Variants in TIMELESS observed in about 807,000 individuals in gnomAD.
The protein encoded by TIMELESS is protein timeless homolog.
A neutral mutation model predicts 164.3 loss-of-function variants in TIMELESS; 124 were observed. That is an observed-to-expected ratio of 0.75 (90% CI 0.65 to 0.88). The LOEUF (loss-of-function observed/expected upper bound fraction) is 0.88. TIMELESS is among the 40% of genes least tolerant of loss of function. The probability of loss-of-function intolerance (pLI) is 0.00; values close to 1 mark genes in which losing one functional copy is unlikely to be tolerated. For missense variants in TIMELESS, 1,422 were observed against 1,491.4 expected (o/e 0.95, Z 0.77); for synonymous variants, 564 against 563.4 (o/e 1.00, Z -0.02).
chr12:56,438,749 G>A, intron 1 of TIMELESS, among the ~76,000 whole-genome samples: 1 of 114,906 alleles, frequency 8.7e-6, no homozygotes. Flanking sequence ...CCGCACTCCA[G>A]CCTAGATGAC....
At chr12:56,429,701 G>C (rs1881808116) in intron 10 of TIMELESS, among the ~76,000 whole-genome samples, 2 of 142,180 alleles carry the variant, frequency 1.4e-5, no homozygotes, top group Non-Finnish European at 3.0e-5. Context: ...TTTTTTAGTA[G>C]AGATACGGTT....
intron 1 of TIMELESS, among the ~76,000 whole-genome samples, chr12:56,441,503 T>G (rs1220742606): frequency 6.6e-6 from 1 of 152,126 alleles, no homozygotes; most frequent in Non-Finnish European, 1.5e-5. Flanking sequence ...GATGTACACC[T>G]TTAGTCCCAG....
chr12:56,429,662 G>A (rs994252989), intron 10 of TIMELESS, among the ~76,000 whole-genome samples: 6 of 98,212 alleles, frequency 6.1e-5, no homozygotes, highest in African/African-American at 1.2e-4. Flanking sequence ...CCACCATGCC[G>A]GCTAATTTTT....
chr12:56,431,037 C>T (rs569660890), intron 8 of TIMELESS, 69 bp from the exon 9 acceptor site: 83 of 1,115,542 alleles, frequency 7.4e-5, no homozygotes, highest in Non-Finnish European at 8.5e-5. Flanking sequence ...TCTCTATCAT[C>T]GGCACATTGG....
chr12:56,435,086 G>C (rs11833583), intron 1 of TIMELESS, among the ~76,000 whole-genome samples: 1 of 151,822 alleles, frequency 6.6e-6, no homozygotes, highest in Non-Finnish European at 1.5e-5. Context: ...GGCTCTTCCA[G>C]GCAGACACAG....
At chr12:56,435,958 T>TAAAAAAA (rs58281917) in intron 1 of TIMELESS, among the ~76,000 whole-genome samples, 2 of 138,182 alleles carry the variant, frequency 1.4e-5, no homozygotes, top group Non-Finnish European at 1.5e-5. Flanking sequence ...GACTCCGTCT[T>TAAAAAAA]AAAAAAAAAA....
chr12:56,425,655 G>A (rs1412664997), intron 13 of TIMELESS, among the ~76,000 whole-genome samples: 18 of 152,114 alleles, frequency 1.2e-4, no homozygotes, highest in Non-Finnish European at 2.2e-4. Flanking sequence ...CAGGTGGATC[G>A]CTTGAGGTCA....
intron 1 of TIMELESS, among the ~76,000 whole-genome samples, chr12:56,434,697 G>A (rs928962806): frequency 1.3e-5 from 2 of 152,120 alleles, no homozygotes; most frequent in Admixed American, 1.3e-4. Context: ...AGATCATGCC[G>A]CCACACTCTG....
intron 1 of TIMELESS, among the ~76,000 whole-genome samples, chr12:56,446,740 G>A (rs1868356042): frequency 6.6e-6 from 1 of 150,504 alleles, no homozygotes; most frequent in African/African-American, 2.5e-5. Flanking sequence ...GCTGAGCCAG[G>A]AGAATCGCTT....
At chr12:56,431,819 T>C (rs1881894552) in intron 7 of TIMELESS, among the ~76,000 whole-genome samples, 1 of 151,760 alleles carries the variant, frequency 6.6e-6, no homozygotes, top group African/African-American at 2.4e-5. Flanking sequence ...TATATTCATA[T>C]ATACATATAT....
At chr12:56,440,367 G>A (rs56794827) in intron 1 of TIMELESS, among the ~76,000 whole-genome samples, 11,316 of 152,066 alleles carry the variant, frequency 0.074, 1,373 homozygotes, top group African/African-American at 0.25. Flanking sequence ...TCAAACTCCT[G>A]ACCTCATGAT....
intron 1 of TIMELESS, among the ~76,000 whole-genome samples, chr12:56,435,942 G>C (rs1054596383): frequency 5.7e-5 from 8 of 140,302 alleles, no homozygotes; most frequent in African/African-American, 1.9e-4. Context: ...CTGGGCGACA[G>C]AGCGAGACTC....
chr12:56,427,951 ACT>A (rs773509206), intron 13 of TIMELESS, among the ~76,000 whole-genome samples: 46 of 152,174 alleles, frequency 3.0e-4, no homozygotes, highest in Non-Finnish European at 5.7e-4. Context: ...TAATTATTAG[ACT>A]CTAAAATTAT....
chr12:56,420,584 G>A lies in TIMELESS; in HGVS notation c.3213C>T (p.Pro1071=). The part of the protein sequence containing the change: ...QQLLRKLGVR[P]PASGQETFWR... ...ACATATTTACCTGCCCAGAGGCAGG[G>A]GGCCGAACCCCTAGCTTGCGCAACA... Residue 1071 remains proline, a synonymous_variant, in exon 26 of 29, where the codon CCC becomes CCT. Coordinates refer to ENST00000553532, the MANE Select transcript of TIMELESS (RefSeq NM_003920.5). The A allele has an allele frequency of 5.0e-6, 8 of 1,614,164 alleles. No homozygotes were observed. The highest frequency in any genetic ancestry group is 6.8e-6 in the Non-Finnish European group (8 of 1,180,024).
chr12:56,434,071 C>T lies in TIMELESS; in HGVS notation c.97+3G>A, dbSNP rs758823347. The T allele has an allele frequency of 4.3e-6, 7 of 1,613,872 alleles. No individual in the cohort carries two copies. The South Asian group carries it at 5.5e-5, about 13-fold the overall frequency. ...TTTCCTGTTTCATCAAAAAGGTACT[C>T]ACCTAAGCAATCTGGTTCCTTATGG... On this transcript the variant is annotated splice_donor_region_variant and intron_variant, in intron 2 of 28. Transcript: ENST00000553532.
chr12:56,424,503 T>G (rs1462861348), intron 15 of TIMELESS, among the ~76,000 whole-genome samples: 1 of 152,238 alleles, frequency 6.6e-6, no homozygotes, highest in East Asian at 1.9e-4. Flanking sequence ...TACTCAAAGC[T>G]GCAATTACCA....
At chr12:56,426,385 CTTTTT>C (rs35546587) in intron 13 of TIMELESS, among the ~76,000 whole-genome samples, 1 of 137,086 alleles carries the variant, frequency 7.3e-6, no homozygotes, top group Non-Finnish European at 1.6e-5. Context: ...GGTACAAAAT[CTTTTT>C]TTTTTTTTTT....
Position 56,434,131 on chromosome 12 carries a change from A to T in TIMELESS, c.40T>A (p.Cys14Ser). The stretch of plus-strand genomic sequence containing the variant: ...CCCTCCAAGTACCCAAGGGCACTAC[A>T]TGTGGCTAGAAGTTCACAGTTCATC... ...HMMNCELLAT[C>S]SALGYLEGDT... Residue 14 changes from cysteine (C) to serine (S), a missense_variant, in exon 2 of 29, where the codon TGT (cysteine) becomes AGT (serine). By Grantham distance (112) the Cys-to-Ser change is moderately radical. Coordinates refer to ENST00000553532, the MANE Select transcript of TIMELESS (RefSeq NM_003920.5). 1 of 1,614,236 alleles carries T rather than the reference A, an allele frequency of 6.2e-7. No homozygotes were observed. The highest frequency in any genetic ancestry group is 8.5e-7 in the Non-Finnish European group (1 of 1,180,046).
intron 13 of TIMELESS, among the ~76,000 whole-genome samples, chr12:56,425,862 G>A (rs1407316301): frequency 3.3e-5 from 5 of 151,978 alleles, no homozygotes; most frequent in Middle Eastern, 6.8e-3. Context: ...GTAACAGAGC[G>A]AGACCCTGCT....
Sources: allele counts gnomAD v4.1 joint callset (sites outside exome capture counted in the v4.1 genomes callset), GRCh38; gene constraint gnomAD v4.1.1; transcripts MANE v1.5; gene names NCBI Gene and HGNC (gene_info 2026-07-23, HGNC 2026-07-21).